PCDHGA5: variants seen among roughly 807,000 people sequenced by gnomAD.
PCDHGA5 encodes protocadherin gamma subfamily A, 5.
Under a neutral mutation model 56.7 loss-of-function variants are expected in PCDHGA5, and 36 were observed. The ratio of observed to expected loss-of-function variants is 0.64; its 90% confidence interval spans 0.49 to 0.84. The LOEUF (loss-of-function observed/expected upper bound fraction) is 0.84. Ranked by LOEUF, PCDHGA5 falls within the 40% of genes least tolerant of loss-of-function variation. The probability of loss-of-function intolerance (pLI) is 0.00; values close to 1 mark genes in which losing one functional copy is unlikely to be tolerated. For synonymous variants in PCDHGA5, 563 were observed against 520.2 expected (o/e 1.08, Z -1.12); for missense variants, 1,305 against 1,201.5 (o/e 1.09, Z -1.27).
At chr5:141,421,283 T>G (rs2096560959) in intron 1 of PCDHGA5, 4 of 1,612,952 alleles carry the variant, frequency 2.5e-6, no homozygotes, top group Non-Finnish European at 3.4e-6. Flanking sequence ...CTGCTGTGCA[T>G]TTTCCTGGGG....
intron 1 of PCDHGA5, chr5:141,404,006 C>A: frequency 6.2e-7 from 1 of 1,613,804 alleles, no homozygotes; most frequent in Non-Finnish European, 8.5e-7. Context: ...CATTACATCT[C>A]TGTTTAGCCC....
intron 1 of PCDHGA5, among the ~76,000 whole-genome samples, chr5:141,463,726 A>G (rs6888081): frequency 0.29 from 44,573 of 151,836 alleles, 7,596 homozygotes; most frequent in African/African-American, 0.48. Flanking sequence ...GATTACAGGC[A>G]TGAGCCACCG....
In PCDHGA5 at chr5:141,366,025, C is replaced by T. The variant is rs1764265075; in HGVS notation, c.1695C>T (p.Pro565=). 6.2e-7 allele frequency: 1 copy of T among 1,614,128 alleles called. No individual in the cohort carries two copies. Among genetic ancestry groups the T allele is most frequent in the Non-Finnish European group, 8.5e-7 (1 of 1,180,052 alleles). Residue 565 remains proline, a synonymous_variant, in exon 1 of 4, where the codon CCC becomes CCT. Transcript: ENST00000518069. ...QNDNTPEILY[P]ALPTDGSTGV... is the part of the protein sequence containing the mutation. ...ACAATACGCCTGAGATCCTGTACCCCGCCCTCCCCACAGACGGTTCCACGG... is the reference window on the plus strand; with the variant it reads ...ACAATACGCCTGAGATCCTGTACCCTGCCCTCCCCACAGACGGTTCCACGG...
At position 141,486,108 on chromosome 5, in the gene PCDHGA5, G is replaced by A. The variant is rs1184123075; in HGVS notation, c.2422-8699G>A. ...CTTTTGGGGCCCCTAGACTTTGAGA[G>A]TGAGAATTACTATGAATTTGATGTG... On this transcript the variant is annotated intron_variant, in intron 1 of 3. Coordinates refer to ENST00000518069, the MANE Select transcript of PCDHGA5 (RefSeq NM_018918.3). The surrounding 1 kb of genome is among the most constrained non-coding windows in gnomAD (Gnocchi z 5.0). 6 of 1,614,206 alleles carry A rather than the reference G, an allele frequency of 3.7e-6. No individual in the cohort carries two copies. Among genetic ancestry groups the A allele is most frequent in the South Asian group, 3.3e-5 (3 of 91,084 alleles).
At chr5:141,400,112 A>G in intron 1 of PCDHGA5, 1 of 1,614,034 alleles carries the variant, frequency 6.2e-7, no homozygotes. Context: ...GTCTTTGCTG[A>G]CAGCTTGCAG....
chr5:141,403,627 A>G lies in PCDHGA5; in HGVS notation c.2421+36876A>G, dbSNP rs1187522360. ...GCGGCGAGCCGCGTCGCTCCAGCAC[A>G]GTGCGCATCCATGTGACAGTGTTGG... On this transcript the variant is annotated intron_variant, in intron 1 of 3. Coordinates refer to ENST00000518069, the MANE Select transcript of PCDHGA5 (RefSeq NM_018918.3). 4 of 1,613,922 alleles carry G rather than the reference A, an allele frequency of 2.5e-6. No individual in the cohort carries two copies. The East Asian group carries it at 8.9e-5, about 36-fold the overall frequency.
intron 1 of PCDHGA5, among the ~76,000 whole-genome samples, chr5:141,381,826 C>CTT (rs770630741): frequency 0.12 from 9,186 of 74,154 alleles, 568 homozygotes; most frequent in African/African-American, 0.16. Context: ...CTTTCTTCTT[C>CTT]TTTTTTTTTT....
chr5:141,405,149 G>T (rs1469979881), intron 1 of PCDHGA5: 4 of 1,614,038 alleles, frequency 2.5e-6, no homozygotes, highest in Non-Finnish European at 3.4e-6. Context: ...TGATGGGTTG[G>T]CTGGTGTGCC....
chr5:141,431,527 C>T lies in PCDHGA5; in HGVS notation c.2422-63280C>T. The T allele has an allele frequency of 1.2e-6, 2 of 1,614,086 alleles. No homozygotes were observed. The highest frequency in any genetic ancestry group is 2.2e-5 in the East Asian group (1 of 44,888). ...GCGCGAGCGTTCCGGAGAATCTGGC[C>T]TTGGGCACGCAGCTGCTTGTAGTCA... On this transcript the variant is annotated intron_variant, in intron 1 of 3. Coordinates refer to ENST00000518069, the MANE Select transcript of PCDHGA5 (RefSeq NM_018918.3). This position sits in a 1 kb window ranked among gnomAD's most constrained non-coding sequence, Gnocchi z 4.8.
rs61612330 is a variant in PCDHGA5 at position 141,454,796 on chromosome 5, A to ATTTTTTTTTT, written c.2422-39991_2422-39982dup. Among the ~76,000 whole-genome samples, 264 of 77,454 alleles carry ATTTTTTTTTT rather than the reference A, an allele frequency of 3.4e-3. 39 individuals carry two copies. Among genetic ancestry groups the ATTTTTTTTTT allele is most frequent in the African/African-American group, 0.012 (196 of 16,878 alleles). 50.8% of individuals were successfully genotyped at this position (77,454 alleles called of 152,430 possible). A position where few individuals can be genotyped will look rare whatever the true frequency, so the allele number is the denominator to read the frequency against. ...AAGGAAATAATCCTCCATGGTTCTA[A>ATTTTTTTTTT]TTTTTTTTTTTTTTTTTTTTTTTTT... On this transcript the variant is annotated intron_variant, in intron 1 of 3. Transcript: ENST00000518069.
chr5:141,387,336 C>T (rs1351788377), intron 1 of PCDHGA5, among the ~76,000 whole-genome samples: 4 of 152,122 alleles, frequency 2.6e-5, no homozygotes, highest in African/African-American at 7.2e-5. Flanking sequence ...AATTACTGTA[C>T]TCTGAGACGG....
chr5:141,465,483 A>T (rs1279787337), intron 1 of PCDHGA5, among the ~76,000 whole-genome samples: 1 of 152,236 alleles, frequency 6.6e-6, no homozygotes, highest in Non-Finnish European at 1.5e-5. Flanking sequence ...TCATGAGAGG[A>T]ATGAGCGGGA....
chr5:141,365,709 C>G lies in PCDHGA5; in HGVS notation c.1379C>G (p.Ser460Cys), dbSNP rs1476757852. The change falls in exon 1 of 4, where the codon TCT becomes TGT. Residue 460 changes from serine to cysteine, a missense_variant. Physicochemically the swap from Ser to Cys is moderately radical, Grantham distance 112. Transcript: ENST00000518069. Reference sequence around the variant, plus strand: ...TTCCCTCAAGCCTCCTACTCCACCTCTGTCACAGAAAACAATCCCAGAGGT... The same window carrying G: ...TTCCCTCAAGCCTCCTACTCCACCTGTGTCACAGAAAACAATCCCAGAGGT... ...PNFPQASYSTSVTENNPRGVS... is the reference protein window; with the variant it reads ...PNFPQASYSTCVTENNPRGVS... 2 of 1,613,646 alleles carry G rather than the reference C, an allele frequency of 1.2e-6. No homozygotes were observed. The highest frequency in any genetic ancestry group is 2.7e-5 in the African/African-American group (2 of 74,920).
At chr5:141,381,761 A>G (rs1777413345) in intron 1 of PCDHGA5, among the ~76,000 whole-genome samples, 1 of 150,538 alleles carries the variant, frequency 6.6e-6, no homozygotes, top group Non-Finnish European at 1.5e-5. Flanking sequence ...TTCTACTACT[A>G]TATAATCAAT....
In PCDHGA5 at chr5:141,488,435, C is replaced by T. The variant is rs111661764; in HGVS notation, c.2422-6372C>T. Among the ~76,000 whole-genome samples, 87 of 152,276 alleles carry T rather than the reference C, an allele frequency of 5.7e-4. 1 individual carries two copies. The highest frequency in any genetic ancestry group is 1.6e-3 in the African/African-American group (67 of 41,546). On this transcript the variant is annotated intron_variant, in intron 1 of 3. Transcript: ENST00000518069. ...AAGCCATCCATGCTTGGCCTCTGAC[C>T]ACCCTCCTGGGTGACCTGATTCAGC...
At position 141,477,492 on chromosome 5, in the gene PCDHGA5, A is replaced by T; in HGVS notation, c.2422-17315A>T. ...AATGACAACCCTCCACAATCTTCTC[A>T]ATCTTCCTACGACGTTTACATTGAA... On this transcript the variant is annotated intron_variant, in intron 1 of 3. Coordinates refer to ENST00000518069, the MANE Select transcript of PCDHGA5 (RefSeq NM_018918.3). The surrounding 1 kb of genome is among the most constrained non-coding windows in gnomAD (Gnocchi z 4.9). The T allele has an allele frequency of 6.2e-7, 1 of 1,613,980 alleles. No individual in the cohort carries two copies. The highest frequency in any genetic ancestry group is 8.5e-7 in the Non-Finnish European group (1 of 1,179,958).
chr5:141,398,980 G>A (rs772840804), intron 1 of PCDHGA5: 3 of 1,613,860 alleles, frequency 1.9e-6, no homozygotes, highest in South Asian at 2.2e-5. Flanking sequence ...CTACAGAACC[G>A]GGCAAATCTT....
At position 141,365,169 on chromosome 5, in the gene PCDHGA5, CTT is replaced by C; in HGVS notation, c.842_843del (p.Phe281SerfsTer3). 2 of 1,613,926 alleles carry C rather than the reference CTT, an allele frequency of 1.2e-6. No homozygotes were observed. The highest frequency in any genetic ancestry group is 2.2e-5 in the South Asian group (2 of 91,080). Reference sequence around the variant, plus strand: ...GGAATAAACGGGAAATTGACCTACTCTTTTCGCAATGAAGAAGAAAAAATTTC... The same window carrying C: ...GGAATAAACGGGAAATTGACCTACTCTTCGCAATGAAGAAGAAAAAATTTC... On this transcript the variant is annotated frameshift_variant, in exon 1 of 4. Coordinates refer to ENST00000518069, the MANE Select transcript of PCDHGA5 (RefSeq NM_018918.3). LOFTEE classifies it high-confidence loss of function.
At chr5:141,440,150 A>G (rs770863453) in intron 1 of PCDHGA5, 1 of 152,244 alleles carries the variant, frequency 6.6e-6, no homozygotes, top group African/African-American at 2.4e-5. Context: ...ACGCCCCCCA[A>G]TTATAGCTTG....
Sources: allele counts gnomAD v4.1 joint callset (sites outside exome capture counted in the v4.1 genomes callset), GRCh38; gene constraint gnomAD v4.1.1; non-coding constraint Gnocchi (gnomAD v3.1); transcripts MANE v1.5; gene names NCBI Gene and HGNC (gene_info 2026-07-23, HGNC 2026-07-21).